Variants in ZNF425 observed in about 807,000 individuals in gnomAD.
ZNF425 encodes zinc finger protein 425.
Under a neutral mutation model 17.0 loss-of-function variants are expected in ZNF425, and 21 were observed. That is an observed-to-expected ratio of 1.23 (90% confidence interval 0.88 to 1.78). ZNF425 has a LOEUF of 1.78. Among genes scored for constraint, ZNF425 ranks in the 40% most tolerant of loss-of-function variants. ZNF425 has a pLI of 0.00. For synonymous variants in ZNF425, 433 were observed against 384.1 expected (o/e 1.13, Z -1.49); for missense variants, 868 against 967.3 (o/e 0.90, Z 1.36).
intron 2 of ZNF425, among the ~76,000 whole-genome samples, chr7:149,115,960 G>A (rs751729435): frequency 6.6e-6 from 1 of 152,144 alleles, no homozygotes; most frequent in Non-Finnish European, 1.5e-5. Context: ...ATCATTGGCA[G>A]GTAATACCAT....
At chr7:149,112,111 C>T (rs908449519) in intron 3 of ZNF425, 26 bp downstream of exon 3, 23 of 1,599,756 alleles carry the variant, frequency 1.4e-5, no homozygotes, top group Non-Finnish European at 2.0e-5. Flanking sequence ...TAAAATAATT[C>T]ATGATCTTAA....
intron 2 of ZNF425, among the ~76,000 whole-genome samples, chr7:149,114,784 A>G (rs1257658492): frequency 7.8e-6 from 1 of 127,632 alleles, no homozygotes; most frequent in Non-Finnish European, 1.6e-5. Context: ...CACTGTGAGT[A>G]AAAAAAAAAA....
chr7:149,104,611 G>T lies in ZNF425; in HGVS notation c.1260C>A (p.Asn420Lys). 2.5e-6 allele frequency: 4 copies of T among 1,614,124 alleles called. No homozygotes were observed. Among genetic ancestry groups the T allele is most frequent in the Non-Finnish European group, 3.4e-6 (4 of 1,180,028 alleles). Residue 420 changes from asparagine to lysine, a missense_variant, in exon 4 of 4, where the codon AAC becomes AAA. By Grantham distance (94) the Asn-to-Lys change is moderately conservative. This residue lies in a region of ZNF425 where 437 missense variants were observed against 444.2 expected (regional missense o/e 0.98). Coordinates refer to ENST00000378061, the MANE Select transcript of ZNF425 (RefSeq NM_001001661.3). This position sits in a 1 kb window ranked among gnomAD's most constrained non-coding sequence, Gnocchi z 4.3. ...GEKPFSCPEC[N>K]KSFRLKRSLK... ...GGCTTCTCTTGAGGCGGAAACTTTT[G>T]TTACACTCGGGACACGAAAAGGGCT...
intron 3 of ZNF425, 113 bp downstream of exon 3, chr7:149,112,024 A>C (rs1826184867): frequency 1.7e-6 from 2 of 1,180,916 alleles, no homozygotes; most frequent in Non-Finnish European, 1.2e-6. Flanking sequence ...AACATTCTCC[A>C]TCAAAACAAC....
Position 149,126,237 on chromosome 7 carries a change from T to A in ZNF425, c.-24A>T. On this transcript the variant is annotated 5_prime_UTR_variant, in exon 1 of 4. Transcript: ENST00000378061. ...ATGGCGGTTCCGCACGAACCGGCCC[T>A]GCCTGGCACGGCCTCCCCTCCGCTC... 7 of 1,609,508 alleles carry A rather than the reference T, an allele frequency of 4.3e-6. No homozygotes were observed. The highest frequency in any genetic ancestry group is 5.9e-6 in the Non-Finnish European group (7 of 1,178,348).
At chr7:149,106,368 T>C (rs959889057) in intron 3 of ZNF425, among the ~76,000 whole-genome samples, 23 of 151,774 alleles carry the variant, frequency 1.5e-4, no homozygotes, top group African/African-American at 5.3e-4. Context: ...CTCAGCCTCC[T>C]GAGTAGCTGG....
chr7:149,112,437 C>G (rs1200113233), intron 2 of ZNF425, 142 bp from the exon 3 acceptor site: 4 of 656,730 alleles, frequency 6.1e-6, no homozygotes, highest in East Asian at 2.8e-5. Context: ...AGTTAGAGAC[C>G]AGCCTGGCCA....
At chr7:149,120,887 G>C (rs1826338991) in intron 1 of ZNF425, among the ~76,000 whole-genome samples, 1 of 152,044 alleles carries the variant, frequency 6.6e-6, no homozygotes, top group Non-Finnish European at 1.5e-5. Context: ...GAAATATTTT[G>C]GTTTTAACTT....
chr7:149,123,827 C>A (rs1422205330), intron 1 of ZNF425, among the ~76,000 whole-genome samples: 1 of 146,986 alleles, frequency 6.8e-6, no homozygotes, highest in Non-Finnish European at 1.5e-5. Context: ...CCACTGCGCC[C>A]GGACTTGCTT....
chr7:149,104,704 A>G lies in ZNF425; in HGVS notation c.1167T>C (p.Gly389=). The G allele has an allele frequency of 6.2e-7, 1 of 1,613,266 alleles. No individual in the cohort carries two copies. The highest frequency in any genetic ancestry group is 8.5e-7 in the Non-Finnish European group (1 of 1,179,966). Residue 389 remains glycine (G), a synonymous_variant, in exon 4 of 4, where the codon GGT becomes GGC. Transcript: ENST00000378061. This position sits in a 1 kb window ranked among gnomAD's most constrained non-coding sequence, Gnocchi z 4.3. The part of the protein sequence containing the change: ...THSEEKPFSC[G]ECGRKFIYKI... ...TGTAGATGAATTTCCTGCCACATTC[A>G]CCACAAGAAAACGGCTTTTCCTCGC...
intron 3 of ZNF425, 54 bp from the exon 4 acceptor site, chr7:149,105,620 G>T: frequency 7.6e-7 from 1 of 1,311,334 alleles, no homozygotes; most frequent in Non-Finnish European, 1.0e-6. Flanking sequence ...CCTATAAATG[G>T]GTTCAAGGAC....
At chr7:149,107,960 G>T (rs572964005) in intron 3 of ZNF425, among the ~76,000 whole-genome samples, 1 of 151,602 alleles carries the variant, frequency 6.6e-6, no homozygotes, top group Admixed American at 6.6e-5. Context: ...TGACCTCCAG[G>T]GCTCAAGTGA....
At chr7:149,120,904 T>C (rs1826339245) in intron 1 of ZNF425, among the ~76,000 whole-genome samples, 1 of 152,182 alleles carries the variant, frequency 6.6e-6, no homozygotes, top group African/African-American at 2.4e-5. Flanking sequence ...ACTTTTTGGA[T>C]ATTAACAAAA....
At chr7:149,119,568 C>A (rs1212873053) in intron 1 of ZNF425, among the ~76,000 whole-genome samples, 1 of 152,122 alleles carries the variant, frequency 6.6e-6, no homozygotes, top group Non-Finnish European at 1.5e-5. Flanking sequence ...AAAAACACAA[C>A]TACAGTCAGC....
chr7:149,120,946 G>C (rs923864352), intron 1 of ZNF425, among the ~76,000 whole-genome samples: 3 of 152,046 alleles, frequency 2.0e-5, no homozygotes, highest in Non-Finnish European at 4.4e-5. Flanking sequence ...TACAGGATTT[G>C]GGGTGGGCAT....
chr7:149,110,594 C>T (rs370122798), intron 3 of ZNF425, among the ~76,000 whole-genome samples: 27 of 151,416 alleles, frequency 1.8e-4, no homozygotes, highest in African/African-American at 5.6e-4. Context: ...AAAGCATTCG[C>T]GCACTATAAA....
At chr7:149,112,971 C>A (rs1315640320) in intron 2 of ZNF425, among the ~76,000 whole-genome samples, 5 of 142,390 alleles carry the variant, frequency 3.5e-5, no homozygotes, top group Non-Finnish European at 6.0e-5. Context: ...AGCCCCGTGA[C>A]CCTTTTTTTT....
intron 3 of ZNF425, among the ~76,000 whole-genome samples, chr7:149,106,173 T>C (rs958015232): frequency 2.0e-5 from 3 of 151,410 alleles, no homozygotes; most frequent in Non-Finnish European, 4.4e-5. Flanking sequence ...CAGGCTGGTC[T>C]TGAATTCCTG....
intron 3 of ZNF425, among the ~76,000 whole-genome samples, chr7:149,111,540 C>T (rs1475827909): frequency 3.2e-5 from 4 of 126,890 alleles, no homozygotes; most frequent in South Asian, 2.7e-4. Flanking sequence ...TGCAGTGAGC[C>T]GAGATTGCAC....
Sources: allele counts gnomAD v4.1 joint callset (sites outside exome capture counted in the v4.1 genomes callset), GRCh38; gene constraint gnomAD v4.1.1; regional missense constraint gnomAD v4.1.1; non-coding constraint Gnocchi (gnomAD v3.1); transcripts MANE v1.5; gene names NCBI Gene and HGNC (gene_info 2026-07-23, HGNC 2026-07-21).